KCNJ6: variants seen among roughly 807,000 people sequenced by gnomAD.
The protein encoded by KCNJ6 is G protein-activated inward rectifier potassium channel 2.
KCNJ6 carries 9 observed loss-of-function variants against 34.2 expected under a neutral mutation model. The observed-to-expected ratio is 0.26, with a 90% confidence interval of 0.16 to 0.46. The LOEUF (loss-of-function observed/expected upper bound fraction) is 0.46. Ranked by LOEUF, KCNJ6 falls within the 20% of genes least tolerant of loss-of-function variation. KCNJ6 has a pLI of 1.00. For missense variants in KCNJ6, 236 were observed against 531.3 expected, an observed-to-expected ratio of 0.44 and a Z score of 5.46; for synonymous variants, 196 against 207.1, an observed-to-expected ratio of 0.95 and a Z score of 0.46.
At chr21:37,868,257 A>G (rs891914015) in intron 1 of KCNJ6, among the ~76,000 whole-genome samples, 2 of 152,212 alleles carry the variant, frequency 1.3e-5, no homozygotes, top group African/African-American at 4.8e-5. Context: ...TAGCGAGATC[A>G]TTACTGCAAA....
At position 37,649,516 on chromosome 21, in the gene KCNJ6, T is replaced by C. The variant is rs116119947; in HGVS notation, c.947-24032A>G. Among the ~76,000 whole-genome samples, 282 of 152,278 alleles carry C rather than the reference T, an allele frequency of 1.9e-3. 1 individual carries two copies. Among genetic ancestry groups the C allele is most frequent in the African/African-American group, 5.3e-3 (219 of 41,558 alleles). ...GAAACCCAGGAGACAGGGCTTTCTGTAGTGGGAGGCTGTGGGCAGGAGAGT... is the reference window on the plus strand; with the variant it reads ...GAAACCCAGGAGACAGGGCTTTCTGCAGTGGGAGGCTGTGGGCAGGAGAGT... On this transcript the variant is annotated intron_variant, in intron 3 of 3. Transcript: ENST00000609713.
At chr21:37,816,155 TG>T (rs2055345761) in intron 2 of KCNJ6, among the ~76,000 whole-genome samples, 1 of 152,172 alleles carries the variant, frequency 6.6e-6, no homozygotes, top group Non-Finnish European at 1.5e-5. Flanking sequence ...TACCCAGGAC[TG>T]GGGAGTCCAA....
In KCNJ6 at chr21:37,675,574, C is replaced by T. The variant is rs1343852880; in HGVS notation, c.946+38637G>A. Among the ~76,000 whole-genome samples, 1 of 152,222 alleles carries T rather than the reference C, an allele frequency of 6.6e-6. No homozygotes were observed. The highest frequency in any genetic ancestry group is 1.9e-4 in the East Asian group (1 of 5,188). Reference sequence around the variant, plus strand: ...GCTGCGATGACACCCAGTCCCTGGGCGCCGCCGCATCGCCCTGCCCTGAGC... The same window carrying T: ...GCTGCGATGACACCCAGTCCCTGGGTGCCGCCGCATCGCCCTGCCCTGAGC... On this transcript the variant is annotated intron_variant, in intron 3 of 3. Transcript: ENST00000609713. The surrounding 1 kb of genome is among the most constrained non-coding windows in gnomAD (Gnocchi z 4.2).
intron 2 of KCNJ6, among the ~76,000 whole-genome samples, chr21:37,753,770 A>G (rs969432856): frequency 6.6e-6 from 1 of 152,214 alleles, no homozygotes; most frequent in Non-Finnish European, 1.5e-5. Context: ...TTTGCTGAGT[A>G]AGAGACTACA....
At chr21:37,733,231 C>T (rs59350504) in intron 2 of KCNJ6, among the ~76,000 whole-genome samples, 12,682 of 152,198 alleles carry the variant, frequency 0.083, 586 homozygotes, top group African/African-American at 0.13. Flanking sequence ...TTTACTTAAA[C>T]GTGGCTTAAA....
chr21:37,902,663 T>C (rs2055822501), intron 1 of KCNJ6, among the ~76,000 whole-genome samples: 1 of 152,166 alleles, frequency 6.6e-6, no homozygotes. Context: ...CAAAGAAGTT[T>C]GCATCTGGCA....
At position 37,620,172 on chromosome 21, in the gene KCNJ6, A is replaced by G. The variant is rs1181153573; in HGVS notation, c.*4987T>C. On this transcript the variant is annotated 3_prime_UTR_variant, in exon 4 of 4. Transcript: ENST00000609713. ...ATTTCATAGTACTTAGTACTCTTAC[A>G]TACTATTATTAATAGTACTATTACT... is the stretch of plus-strand genomic sequence containing the variant. The G allele has an allele frequency of 6.6e-6, 1 of 152,230 alleles. No homozygotes were observed. The highest frequency in any genetic ancestry group is 2.4e-5 in the African/African-American group (1 of 41,462). The allele number at this position is 152,230 out of a possible 1,614,324, so 9.4% of individuals were successfully genotyped here. A position where few individuals can be genotyped will look rare whatever the true frequency, so the allele number is the denominator to read the frequency against.
intron 3 of KCNJ6, among the ~76,000 whole-genome samples, chr21:37,680,749 G>A (rs1397375595): frequency 6.6e-6 from 1 of 152,144 alleles, no homozygotes; most frequent in African/African-American, 2.4e-5. Context: ...GAAACTGCAG[G>A]TCTTGGGAAT....
intron 3 of KCNJ6, among the ~76,000 whole-genome samples, chr21:37,700,731 G>T (rs2054686333): frequency 6.6e-6 from 1 of 152,122 alleles, no homozygotes; most frequent in Non-Finnish European, 1.5e-5. Flanking sequence ...CTTAGCCAGG[G>T]CCGCCTCATA....
At chr21:37,801,255 G>C (rs1414699100) in intron 2 of KCNJ6, among the ~76,000 whole-genome samples, 3 of 152,110 alleles carry the variant, frequency 2.0e-5, no homozygotes, top group Non-Finnish European at 2.9e-5. Context: ...TCTGGGTTTT[G>C]ATACCAGATG....
At chr21:37,683,881 C>T (rs1023384203) in intron 3 of KCNJ6, among the ~76,000 whole-genome samples, 5 of 152,168 alleles carry the variant, frequency 3.3e-5, no homozygotes, top group Non-Finnish European at 7.3e-5. Flanking sequence ...CTCGTCATGC[C>T]TACTGCACTG....
chr21:37,675,911 G>T lies in KCNJ6; in HGVS notation c.946+38300C>A, dbSNP rs78920067. On this transcript the variant is annotated intron_variant, in intron 3 of 3. Transcript: ENST00000609713. The surrounding 1 kb of genome is among the most constrained non-coding windows in gnomAD (Gnocchi z 4.2). ...GGGTGGGGTGCGCCGACCCTGCTGC[G>T]CTTGTCAGCTTCTCTAACTGTGGCT... Among the ~76,000 whole-genome samples the T allele has an allele frequency of 0.015, 2,272 of 152,300 alleles. 56 individuals are homozygous for T. The highest frequency in any genetic ancestry group is 0.052 in the African/African-American group (2,168 of 41,554).
chr21:37,865,051 T>C (rs1244934006), intron 1 of KCNJ6, among the ~76,000 whole-genome samples: 1 of 152,148 alleles, frequency 6.6e-6, no homozygotes, highest in African/African-American at 2.4e-5. Flanking sequence ...GAGAAGCTGG[T>C]TTCCTTATCT....
At chr21:37,646,186 A>G (rs993030816) in intron 3 of KCNJ6, among the ~76,000 whole-genome samples, 3 of 152,190 alleles carry the variant, frequency 2.0e-5, no homozygotes, top group African/African-American at 7.2e-5. Context: ...TAACTGGGGT[A>G]ATGTAACCTA....
At chr21:37,771,455 G>A (rs1483590400) in intron 2 of KCNJ6, among the ~76,000 whole-genome samples, 2 of 152,140 alleles carry the variant, frequency 1.3e-5, no homozygotes, top group Non-Finnish European at 2.9e-5. Context: ...CTAGCCAGCT[G>A]CCACAATTAC....
intron 2 of KCNJ6, among the ~76,000 whole-genome samples, chr21:37,834,547 C>G (rs1004642266): frequency 6.6e-6 from 1 of 152,242 alleles, no homozygotes; most frequent in African/African-American, 2.4e-5. Flanking sequence ...CTGGTGCAGG[C>G]AGGAACCCCA....
At chr21:37,876,358 A>C (rs183415348) in intron 1 of KCNJ6, among the ~76,000 whole-genome samples, 1 of 152,330 alleles carries the variant, frequency 6.6e-6, no homozygotes, top group East Asian at 1.9e-4. Flanking sequence ...AAAGAGAGCC[A>C]GGATTCAAAT....
intron 1 of KCNJ6, among the ~76,000 whole-genome samples, chr21:37,846,968 C>A (rs2123585620): frequency 6.6e-6 from 1 of 152,226 alleles, no homozygotes; most frequent in South Asian, 2.1e-4. Flanking sequence ...CCTCAGATAG[C>A]CAAGCAAGTG....
In KCNJ6 at chr21:37,617,015, TCTTTCTTTC is replaced by T. The variant is rs1270875000; in HGVS notation, c.*8135_*8143del. 2 of 25,340 alleles carry T rather than the reference TCTTTCTTTC, an allele frequency of 7.9e-5. No individual in the cohort carries two copies. Among genetic ancestry groups the T allele is most frequent in the African/African-American group, 2.5e-4 (2 of 7,894 alleles). The allele number at this position is 25,340 out of a possible 1,614,324, so 1.6% of individuals were successfully genotyped here. ...TCTTTCTTTCTCTTTCTTTTCTCTT[TCTTTCTTTC>T]TTTCTTTCTTTCTTTCTTTCTTTCT... On this transcript the variant is annotated 3_prime_UTR_variant, in exon 4 of 4. Transcript: ENST00000609713.
Sources: gnomAD v4.1 joint callset for allele counts (sites outside exome capture counted in the v4.1 genomes callset) on GRCh38, gnomAD v4.1.1 for gene constraint, Gnocchi (gnomAD v3.1) non-coding constraint, MANE v1.5 for transcripts, NCBI Gene and HGNC (gene_info 2026-07-23, HGNC 2026-07-21) for gene names.